RIMKLB: variants seen among roughly 807,000 people sequenced by gnomAD.
RIMKLB encodes ribosomal modification protein rimK like family member B.
RIMKLB carries 7 observed loss-of-function variants against 32.0 expected under a neutral mutation model. The observed-to-expected ratio is 0.22, with a 90% confidence interval of 0.12 to 0.41. RIMKLB has a LOEUF of 0.41. Among genes scored for constraint, RIMKLB ranks in the 10% least tolerant of loss-of-function variants. The pLI, the probability that RIMKLB is intolerant of heterozygous loss-of-function variation, is 1.00. For missense variants in RIMKLB, 289 were observed against 498.7 expected (o/e 0.58, Z 4.00); for synonymous variants, 172 against 185.1 (o/e 0.93, Z 0.57).
At chr12:8,733,020 C>T (rs756113047) in intron 2 of RIMKLB, among the ~76,000 whole-genome samples, 13 of 151,922 alleles carry the variant, frequency 8.6e-5, no homozygotes, top group East Asian at 1.9e-4. Flanking sequence ...TTTTTGATGA[C>T]GTTTATTGTT....
chr12:8,681,213 C>A (rs76978782), upstream of RIMKLB, among the ~76,000 whole-genome samples: 2,485 of 152,212 alleles, frequency 0.016, 67 homozygotes, highest in African/African-American at 0.056. Context: ...GATCCACCCT[C>A]CTCCGCCTCC....
exon 1 of RIMKLB, chr12:8,681,672 T>C (rs1397859799): frequency 6.6e-6 from 1 of 152,170 alleles, no homozygotes; most frequent in Non-Finnish European, 1.5e-5. Flanking sequence ...ACAGTGGGTC[T>C]TGATGAGCTT....
rs185364105 is a variant in RIMKLB at position 8,729,455 on chromosome 12, G to A, written c.175+15414G>A. Among the ~76,000 whole-genome samples the A allele has an allele frequency of 3.9e-5, 6 of 152,180 alleles. No individual in the cohort carries two copies. In the East Asian group the frequency reaches 5.8e-4, roughly 15 times the overall value. ...CTCTGAAGTCAGGCTGCTTCTCTCT[G>A]ATATCTAACCATAGTCTCCGACGTC... On this transcript the variant is annotated intron_variant, in intron 2 of 5. Coordinates refer to ENST00000535829, the MANE Select transcript of RIMKLB (RefSeq NM_001297776.2).
chr12:8,760,406 G>A (rs1364763049), intron 5 of RIMKLB, among the ~76,000 whole-genome samples: 1 of 152,150 alleles, frequency 6.6e-6, no homozygotes, highest in Non-Finnish European at 1.5e-5. Context: ...ATAAACATAC[G>A]TGTACATGTG....
chr12:8,739,654 T>G (rs762410518), intron 2 of RIMKLB, among the ~76,000 whole-genome samples: 2 of 152,292 alleles, frequency 1.3e-5, no homozygotes, highest in African/African-American at 4.8e-5. Flanking sequence ...AAAATTTTTT[T>G]GTAGAGACGA....
intron 1 of RIMKLB, among the ~76,000 whole-genome samples, chr12:8,699,630 T>C (rs1171145971): frequency 6.6e-6 from 1 of 152,206 alleles, no homozygotes; most frequent in Non-Finnish European, 1.5e-5. Flanking sequence ...TGTCTTGAGG[T>C]AATCCTATTT....
intron 1 of RIMKLB, 103 bp from the exon 2 acceptor site, chr12:8,713,708 G>T: frequency 8.2e-6 from 6 of 733,094 alleles, no homozygotes; most frequent in Admixed American, 2.7e-5. Flanking sequence ...GTTTTTTCCT[G>T]TTTATATAAT....
Position 8,723,905 on chromosome 12 carries a change from T to G in RIMKLB, c.175+9864T>G, listed in dbSNP as rs574490976. ...TCCTGGCTCACTGCAACCTCTTGCC[T>G]CCTGGGCTCAAGCAATCTTTCCACC... On this transcript the variant is annotated intron_variant, in intron 2 of 5. Coordinates refer to ENST00000535829, the MANE Select transcript of RIMKLB (RefSeq NM_001297776.2). 1.2e-3 allele frequency among the ~76,000 whole-genome samples: 167 copies of G among 144,328 alleles called. 1 individual carries two copies. Among genetic ancestry groups the G allele is most frequent in the Admixed American group, 2.0e-3 (27 of 13,776 alleles). 94.7% of individuals were successfully genotyped at this position (144,328 alleles called of 152,430 possible). A position where few individuals can be genotyped will look rare whatever the true frequency, so the allele number is the denominator to read the frequency against.
In RIMKLB at chr12:8,759,508, G is replaced by A. The variant is rs199746829; in HGVS notation, c.697+5415G>A. On this transcript the variant is annotated intron_variant, in intron 5 of 5. Transcript: ENST00000535829. ...TGCTATCTTATGGCTATTTTAATTT[G>A]TATTTTTCTCACCATGAACGATGAG... Among the ~76,000 whole-genome samples, 549 of 152,098 alleles carry A rather than the reference G, an allele frequency of 3.6e-3. 9 individuals are homozygous for A. Among genetic ancestry groups the A allele is most frequent in the Non-Finnish European group, 4.9e-3 (332 of 67,958 alleles).
chr12:8,750,416 A>G (rs1043596649), intron 3 of RIMKLB, among the ~76,000 whole-genome samples: 2 of 152,230 alleles, frequency 1.3e-5, no homozygotes, highest in Non-Finnish European at 2.9e-5. Flanking sequence ...TGTTCCGATG[A>G]AACTTTATTA....
intron 2 of RIMKLB, among the ~76,000 whole-genome samples, chr12:8,726,942 T>C (rs1946069679): frequency 6.6e-6 from 1 of 152,232 alleles, no homozygotes; most frequent in African/African-American, 2.4e-5. Context: ...TAATTCTGTT[T>C]TCCCTCCTTT....
rs1943987405 is a variant in RIMKLB at position 8,707,431 on chromosome 12, C to T, written c.-56-6380C>T. 3.9e-5 allele frequency among the ~76,000 whole-genome samples: 6 copies of T among 152,198 alleles called. No homozygotes were observed. In the South Asian group the frequency reaches 8.3e-4, roughly 21 times the overall value. ...TAGGGCAAAGTATGGAAAAGGGGCACGGAGCTTCTTTGCCCTTCCTGGGTG... is the reference window on the plus strand; with the variant it reads ...TAGGGCAAAGTATGGAAAAGGGGCATGGAGCTTCTTTGCCCTTCCTGGGTG... On this transcript the variant is annotated intron_variant, in intron 1 of 5. Coordinates refer to ENST00000535829, the MANE Select transcript of RIMKLB (RefSeq NM_001297776.2).
chr12:8,678,434 G>A (rs959589378), upstream of RIMKLB, among the ~76,000 whole-genome samples: 1 of 151,732 alleles, frequency 6.6e-6, no homozygotes, highest in African/African-American at 2.4e-5. Flanking sequence ...GGGTTCAAGC[G>A]ATTCTCCTGC....
downstream of RIMKLB, among the ~76,000 whole-genome samples, chr12:8,781,305 G>A (rs1165906156): frequency 6.6e-6 from 1 of 152,188 alleles, no homozygotes; most frequent in Non-Finnish European, 1.5e-5. Context: ...TCAAGTCACT[G>A]CACTCCAGCC....
intron 2 of RIMKLB, among the ~76,000 whole-genome samples, chr12:8,725,031 A>G (rs1205003152): frequency 6.6e-6 from 1 of 152,156 alleles, no homozygotes; most frequent in Admixed American, 6.6e-5. Flanking sequence ...GCTCTGATAA[A>G]TGTATTTTTG....
chr12:8,706,181 C>T (rs1370468047), intron 1 of RIMKLB, among the ~76,000 whole-genome samples: 1 of 152,140 alleles, frequency 6.6e-6, no homozygotes, highest in African/African-American at 2.4e-5. Flanking sequence ...CCCTTGTCAC[C>T]CAGGCTGGAG....
chr12:8,717,084 A>AT (rs1310702668), intron 2 of RIMKLB, among the ~76,000 whole-genome samples: 2 of 108,472 alleles, frequency 1.8e-5, no homozygotes, highest in Non-Finnish European at 3.9e-5. Context: ...TTTTTTTTAC[A>AT]TTTTTTATGT....
At chr12:8,707,115 C>G (rs1565556736) in intron 1 of RIMKLB, among the ~76,000 whole-genome samples, 1 of 152,310 alleles carries the variant, frequency 6.6e-6, no homozygotes, top group East Asian at 1.9e-4. Flanking sequence ...AGAAGATCCA[C>G]TGATGGAGAT....
In RIMKLB at chr12:8,723,596, AT is replaced by A. The variant is rs773950772; in HGVS notation, c.175+9556del. ...GCAAAAGGCAATAAGTTAAAGCACA[AT>A]AAAATGAGGCATGCTTGTATATTTA... On this transcript the variant is annotated intron_variant, in intron 2 of 5. Transcript: ENST00000535829. Among the ~76,000 whole-genome samples, 15 of 152,306 alleles carry A rather than the reference AT, an allele frequency of 9.8e-5. No homozygotes were observed. In the South Asian group the frequency reaches 2.9e-3, roughly 29 times the overall value.
Sources: allele counts gnomAD v4.1 joint callset (sites outside exome capture counted in the v4.1 genomes callset), GRCh38; gene constraint gnomAD v4.1.1; transcripts MANE v1.5; gene names NCBI Gene and HGNC (gene_info 2026-07-23, HGNC 2026-07-21).